HEMK2: variants seen among roughly 807,000 people sequenced by gnomAD.
HEMK2 encodes methyltransferase HEMK2.
the HEMK2 span, among the ~76,000 whole-genome samples, chr21:28,817,695 T>C: frequency 3.3e-5 from 5 of 152,014 alleles, no homozygotes; most frequent in African/African-American, 1.2e-4. Context: ...TCTGATGGAG[T>C]GAAGAAAATT....
the HEMK2 span, among the ~76,000 whole-genome samples, chr21:28,849,720 A>G: frequency 5.3e-5 from 8 of 152,378 alleles, no homozygotes; most frequent in Middle Eastern, 3.4e-3. Context: ...CAAGAATGTC[A>G]TAATACAATA....
the HEMK2 span, among the ~76,000 whole-genome samples, chr21:28,773,461 T>A: frequency 6.6e-6 from 1 of 152,144 alleles, no homozygotes; most frequent in Non-Finnish European, 1.5e-5. Flanking sequence ...TGAACAAATG[T>A]AGAAACATAT....
the HEMK2 span, among the ~76,000 whole-genome samples, chr21:28,826,301 A>G: frequency 6.6e-6 from 1 of 152,234 alleles, no homozygotes; most frequent in East Asian, 1.9e-4. Flanking sequence ...TGTAAATATT[A>G]GCAGAGTCTC....
At chr21:28,725,897 T>C in the HEMK2 span, among the ~76,000 whole-genome samples, 2 of 152,220 alleles carry the variant, frequency 1.3e-5, no homozygotes, top group Admixed American at 6.5e-5. Context: ...CAGTAAATTG[T>C]AAATATTGAA....
At chr21:28,850,710 C>T in the HEMK2 span, among the ~76,000 whole-genome samples, 3 of 152,170 alleles carry the variant, frequency 2.0e-5, no homozygotes, top group Non-Finnish European at 4.4e-5. Flanking sequence ...CACAAAAACA[C>T]ACTTAAGTAC....
the HEMK2 span, chr21:28,885,100 ACCCCG>A: frequency 7.2e-7 from 1 of 1,389,916 alleles, no homozygotes; most frequent in Non-Finnish European, 9.5e-7. Flanking sequence ...CTGCAAGTGG[ACCCCG>A]CCTGCTCCGG....
the HEMK2 span, among the ~76,000 whole-genome samples, chr21:28,689,149 G>C: frequency 1.3e-5 from 2 of 151,972 alleles, no homozygotes; most frequent in Non-Finnish European, 2.9e-5. Flanking sequence ...AAAATCAAAG[G>C]AGTATCTTCT....
At chr21:28,579,150 C>T in the HEMK2 span, among the ~76,000 whole-genome samples, 1 of 152,140 alleles carries the variant, frequency 6.6e-6, no homozygotes, top group Admixed American at 6.5e-5. Context: ...GATTTTTGAC[C>T]ATATCAATGC....
chr21:28,671,823 T>C, the HEMK2 span, among the ~76,000 whole-genome samples: 2 of 152,186 alleles, frequency 1.3e-5, no homozygotes. Flanking sequence ...TCATTTCCAC[T>C]CTTTGAAAAT....
chr21:28,799,794 C>A, the HEMK2 span, among the ~76,000 whole-genome samples: 1 of 152,170 alleles, frequency 6.6e-6, no homozygotes, highest in Admixed American at 6.5e-5. Flanking sequence ...TCCTCTCATT[C>A]TTCTATCTGT....
chr21:28,613,044 C>T, the HEMK2 span, among the ~76,000 whole-genome samples: 1 of 151,528 alleles, frequency 6.6e-6, no homozygotes, highest in Non-Finnish European at 1.5e-5. Context: ...AATTCAAATG[C>T]CCATCAATTA....
the HEMK2 span, among the ~76,000 whole-genome samples, chr21:28,813,511 T>C: frequency 6.6e-6 from 1 of 152,206 alleles, no homozygotes; most frequent in Admixed American, 6.5e-5. Context: ...CCTGAAGTAA[T>C]TTATAGATTC....
chr21:28,686,404 T>C, the HEMK2 span, among the ~76,000 whole-genome samples: 2 of 152,000 alleles, frequency 1.3e-5, no homozygotes, highest in African/African-American at 4.8e-5. Context: ...CCGGCTAATT[T>C]TTGTATTTTT....
At chr21:28,753,785 CT>C in the HEMK2 span, among the ~76,000 whole-genome samples, 2 of 152,174 alleles carry the variant, frequency 1.3e-5, no homozygotes, top group East Asian at 3.8e-4. Flanking sequence ...TATAACCTAC[CT>C]ATCTACTATT....
chr21:28,789,866 G>A, the HEMK2 span, among the ~76,000 whole-genome samples: 1 of 152,122 alleles, frequency 6.6e-6, no homozygotes, highest in East Asian at 1.9e-4. Flanking sequence ...ACTAAGACCA[G>A]ACTAAAATCA....
the HEMK2 span, among the ~76,000 whole-genome samples, chr21:28,694,914 C>T: frequency 2.2e-4 from 33 of 151,340 alleles, no homozygotes; most frequent in Non-Finnish European, 3.7e-4. Context: ...AGGAGAATGG[C>T]GTGAACCCAG....
chr21:28,764,703 T>C, the HEMK2 span, among the ~76,000 whole-genome samples: 1 of 152,098 alleles, frequency 6.6e-6, no homozygotes, highest in Admixed American at 6.5e-5. Flanking sequence ...TCCTTTTTTA[T>C]AACTTAAGGC....
chr21:28,828,788 C>T, the HEMK2 span, among the ~76,000 whole-genome samples: 1 of 152,122 alleles, frequency 6.6e-6, no homozygotes, highest in Non-Finnish European at 1.5e-5. Flanking sequence ...TACGAATATC[C>T]ATCTCTGTGA....
the HEMK2 span, chr21:28,878,093 A>AT: frequency 9.2e-7 from 1 of 1,083,510 alleles, no homozygotes; most frequent in Non-Finnish European, 1.3e-6. Flanking sequence ...TAAGTGATTC[A>AT]TTAACATGCC....
Sources: gnomAD v4.1 joint callset for allele counts (sites outside exome capture counted in the v4.1 genomes callset) on GRCh38, gnomAD v4.1.1 for gene constraint, MANE v1.5 for transcripts, NCBI Gene and HGNC (gene_info 2026-07-23, HGNC 2026-07-21) for gene names.